SLC22A16: variants seen among roughly 807,000 people sequenced by gnomAD.
SLC22A16 encodes solute carrier family 22 member 16.
A neutral mutation model predicts 52.9 loss-of-function variants in SLC22A16; 53 were observed. The observed-to-expected ratio is 1.00, with a 90% CI of 0.80 to 1.26. The LOEUF (loss-of-function observed/expected upper bound fraction) is 1.26. Among genes scored for constraint, SLC22A16 ranks in the 50% most tolerant of loss-of-function variants. The probability of loss-of-function intolerance (pLI) is 0.00; values close to 1 mark genes in which losing one functional copy is unlikely to be tolerated. For missense variants in SLC22A16, 726 were observed against 704.0 expected, an observed-to-expected ratio of 1.03 and a Z score of -0.35; for synonymous variants, 291 against 268.8, an observed-to-expected ratio of 1.08 and a Z score of -0.81.
intron 2 of SLC22A16, chr6:110,453,828 C>A: frequency 2.5e-6 from 1 of 404,322 alleles, no homozygotes; most frequent in Non-Finnish European, 4.9e-6. Flanking sequence ...CTGGGAAGAT[C>A]AAGGGTACTG....
At chr6:110,466,386 G>T (rs1776062126) in intron 1 of SLC22A16, among the ~76,000 whole-genome samples, 1 of 151,838 alleles carries the variant, frequency 6.6e-6, no homozygotes, top group Admixed American at 6.6e-5. Flanking sequence ...ACCGAACTAT[G>T]CATCCAACAA....
intron 3 of SLC22A16, among the ~76,000 whole-genome samples, chr6:110,446,114 C>T (rs1169844678): frequency 6.6e-6 from 1 of 152,140 alleles, no homozygotes; most frequent in Non-Finnish European, 1.5e-5. Context: ...CAACCTGCTG[C>T]TCTGCATTTA....
Position 110,447,010 on chromosome 6 carries a change from C to T in SLC22A16, c.534-20G>A. On this transcript the variant is annotated intron_variant, in intron 2 of 7. Transcript: ENST00000368919. ...CCTAGCCTGAAAAATAAGAGTCACA[C>T]AGTGGAAGAGGAAAGGTAGAGTTGT... The T allele has an allele frequency of 6.3e-7, 1 of 1,593,636 alleles. No homozygotes were observed. Among genetic ancestry groups the T allele is most frequent in the Non-Finnish European group, 8.6e-7 (1 of 1,165,982 alleles).
intron 1 of SLC22A16, chr6:110,476,079 A>C: frequency 2.2e-6 from 1 of 450,764 alleles, no homozygotes; most frequent in South Asian, 1.6e-5. Flanking sequence ...CCTGCCAGGC[A>C]CAGAGGGAGG....
intron 1 of SLC22A16, among the ~76,000 whole-genome samples, chr6:110,467,148 G>A (rs1776098336): frequency 6.6e-6 from 1 of 152,096 alleles, no homozygotes; most frequent in Non-Finnish European, 1.5e-5. Flanking sequence ...TTTGAGACCT[G>A]CTGGTCTAGC....
At chr6:110,433,076 A>G (rs1320419023) in intron 6 of SLC22A16, among the ~76,000 whole-genome samples, 2 of 152,212 alleles carry the variant, frequency 1.3e-5, no homozygotes, top group Non-Finnish European at 2.9e-5. Flanking sequence ...AGATGTATTT[A>G]TTATTAGACT....
At chr6:110,462,033 T>C (rs1206065334) in intron 1 of SLC22A16, among the ~76,000 whole-genome samples, 1 of 152,196 alleles carries the variant, frequency 6.6e-6, no homozygotes, top group African/African-American at 2.4e-5. Flanking sequence ...ACATCTTACA[T>C]GGATGGCAAC....
intron 3 of SLC22A16, among the ~76,000 whole-genome samples, chr6:110,443,792 T>C (rs1288340045): frequency 2.0e-5 from 3 of 152,208 alleles, no homozygotes; most frequent in Non-Finnish European, 4.4e-5. Context: ...GGTCCGTCCA[T>C]AGATGAATAG....
intron 4 of SLC22A16, among the ~76,000 whole-genome samples, chr6:110,439,466 C>T (rs1774878561): frequency 6.6e-6 from 1 of 152,136 alleles, no homozygotes; most frequent in African/African-American, 2.4e-5. Flanking sequence ...TCAAGACAGG[C>T]TCTTTCTATA....
chr6:110,474,899 A>T (rs769784018), intron 1 of SLC22A16: 68 of 517,802 alleles, frequency 1.3e-4, no homozygotes, highest in Admixed American at 1.3e-3. Flanking sequence ...TCCCTAAAAA[A>T]CACAGGGGAA....
intron 6 of SLC22A16, among the ~76,000 whole-genome samples, chr6:110,433,167 A>C (rs886769640): frequency 2.0e-5 from 3 of 152,202 alleles, no homozygotes; most frequent in Non-Finnish European, 4.4e-5. Context: ...CTCTCAGACA[A>C]CTGGGCTAAT....
intron 6 of SLC22A16, among the ~76,000 whole-genome samples, chr6:110,431,506 C>T (rs1288612272): frequency 2.0e-5 from 3 of 152,166 alleles, no homozygotes; most frequent in African/African-American, 4.8e-5. Context: ...CATTGTGTTA[C>T]GACTGCCTGC....
chr6:110,456,489 G>A (rs372402933), intron 2 of SLC22A16, 49 bp downstream of exon 2: 14 of 1,568,696 alleles, frequency 8.9e-6, no homozygotes, highest in African/African-American at 4.1e-5. Context: ...AAACCAGATA[G>A]GAAAATAAAC....
At chr6:110,449,749 T>C (rs960425180) in intron 2 of SLC22A16, among the ~76,000 whole-genome samples, 10 of 152,198 alleles carry the variant, frequency 6.6e-5, no homozygotes, top group African/African-American at 2.4e-4. Flanking sequence ...TGTCTTCATC[T>C]TTTCCTCCCT....
At chr6:110,473,444 G>A (rs1776331299) in intron 1 of SLC22A16, among the ~76,000 whole-genome samples, 1 of 135,822 alleles carries the variant, frequency 7.4e-6, no homozygotes, top group Admixed American at 7.7e-5. Context: ...GGTTTCAGGA[G>A]AAATCCTGGA....
intron 2 of SLC22A16, among the ~76,000 whole-genome samples, chr6:110,448,769 T>G (rs1177328818): frequency 1.3e-5 from 2 of 152,182 alleles, no homozygotes; most frequent in Non-Finnish European, 2.9e-5. Flanking sequence ...ACCCACAACT[T>G]CCTGCTCTGT....
intron 3 of SLC22A16, among the ~76,000 whole-genome samples, chr6:110,444,653 T>C (rs1775099089): frequency 6.6e-6 from 1 of 152,186 alleles, no homozygotes; most frequent in African/African-American, 2.4e-5. Context: ...ACAAGGATAT[T>C]CCTGCTGTCA....
chr6:110,438,823 G>A lies in SLC22A16; in HGVS notation c.1208C>T (p.Thr403Ile), dbSNP rs1203128653. ...CTTGTCCATGGCGATGCACACGAAG[G>A]TGTAGGCGGGAATTTCCACTACACC... ...LLGVVEIPAY[T>I]FVCIAMDKVG... Residue 403 changes from threonine to isoleucine, a missense_variant, in exon 5 of 8, where the codon ACC (threonine) becomes ATC (isoleucine). Transcript: ENST00000368919. 1.2e-6 allele frequency: 2 copies of A among 1,614,104 alleles called. No homozygotes were observed. The highest frequency in any genetic ancestry group is 2.2e-5 in the South Asian group (2 of 91,068).
At chr6:110,476,004 C>G (rs1322274017) in intron 1 of SLC22A16, 1 of 456,124 alleles carries the variant, frequency 2.2e-6, no homozygotes, top group Non-Finnish European at 4.4e-6. Context: ...GTACAGTGTA[C>G]CTGGCACGTA....
Sources: gnomAD v4.1 joint callset for allele counts (sites outside exome capture counted in the v4.1 genomes callset) on GRCh38, gnomAD v4.1.1 for gene constraint, MANE v1.5 for transcripts, NCBI Gene and HGNC (gene_info 2026-07-23, HGNC 2026-07-21) for gene names.